The following LRRTM4 variants were observed in gnomAD, a reference collection of about 807,000 sequenced individuals.
LRRTM4 encodes leucine rich repeat transmembrane neuronal 4.
Under a neutral mutation model 47.6 loss-of-function variants are expected in LRRTM4, and 25 were observed. That is an observed-to-expected ratio of 0.53 (90% confidence interval 0.38 to 0.73). The LOEUF is 0.73. LRRTM4 is among the 30% of genes least tolerant of loss of function. The probability of loss-of-function intolerance (pLI) is 0.00; values close to 1 mark genes in which losing one functional copy is unlikely to be tolerated. For missense variants in LRRTM4, 638 were observed against 713.4 expected (o/e 0.89, Z 1.20); for synonymous variants, 311 against 269.5 (o/e 1.15, Z -1.51).
intron 3 of LRRTM4, among the ~76,000 whole-genome samples, chr2:77,119,679 A>G (rs1179499086): frequency 6.6e-6 from 1 of 151,816 alleles, no homozygotes; most frequent in Admixed American, 6.6e-5. Flanking sequence ...GAGAATCGTA[A>G]AAAAGAGCTA....
intron 3 of LRRTM4, among the ~76,000 whole-genome samples, chr2:77,480,827 GAGAGA>G (rs1677664715): frequency 1.9e-5 from 1 of 51,424 alleles, no homozygotes; most frequent in South Asian, 5.0e-4. Flanking sequence ...TGTGTGGAGA[GAGAGA>G]GAGAGAGAGA....
intron 3 of LRRTM4, among the ~76,000 whole-genome samples, chr2:77,156,338 G>T (rs1345181941): frequency 7.5e-6 from 1 of 133,046 alleles, no homozygotes; most frequent in Non-Finnish European, 1.7e-5. Flanking sequence ...AAAAAAAACA[G>T]AAAAAAGTCA....
Position 77,519,140 on chromosome 2 carries a change from G to T in LRRTM4, c.729C>A (p.Ser243=). The change falls in exon 3 of 4, where the codon TCC becomes TCA. Residue 243 remains serine, a synonymous_variant. Coordinates refer to ENST00000409884, the MANE Select transcript of LRRTM4 (RefSeq NM_001134745.3). This position sits in a 1 kb window ranked among gnomAD's most constrained non-coding sequence, Gnocchi z 4.6. ...SIYLQWNRIR[S]ISQGLTWTWS... is the part of the protein sequence containing the mutation. Reference sequence around the variant, plus strand: ...AAGTCCATGTCAAACCTTGGCTAATGGAGCGAATCCTGTTCCATTGTAAGT... The same window carrying T: ...AAGTCCATGTCAAACCTTGGCTAATTGAGCGAATCCTGTTCCATTGTAAGT... The T allele has an allele frequency of 6.2e-7, 1 of 1,613,136 alleles. No homozygotes were observed. The highest frequency in any genetic ancestry group is 8.5e-7 in the Non-Finnish European group (1 of 1,179,536).
intron 3 of LRRTM4, among the ~76,000 whole-genome samples, chr2:77,496,310 C>A (rs1265278319): frequency 2.0e-5 from 3 of 151,700 alleles, no homozygotes; most frequent in Admixed American, 6.6e-5. Flanking sequence ...AATCTCTATG[C>A]CTTTTATTTC....
intron 3 of LRRTM4, among the ~76,000 whole-genome samples, chr2:76,920,236 TTTC>T (rs1674389795): frequency 6.6e-5 from 10 of 152,094 alleles, no homozygotes; most frequent in Admixed American, 4.6e-4. Flanking sequence ...TTGCTTTTCT[TTTC>T]CTATAGAAAT....
At chr2:76,987,734 CAG>C (rs1219185413) in intron 3 of LRRTM4, among the ~76,000 whole-genome samples, 2 of 151,792 alleles carry the variant, frequency 1.3e-5, no homozygotes, top group Admixed American at 6.6e-5. Context: ...ACCAGTACGA[CAG>C]AGTCTCCATT....
intron 3 of LRRTM4, among the ~76,000 whole-genome samples, chr2:77,488,935 C>T (rs1678030379): frequency 6.6e-6 from 1 of 151,284 alleles, no homozygotes; most frequent in African/African-American, 2.4e-5. Flanking sequence ...ACCAGCATGG[C>T]ACATGTATAC....
At chr2:77,402,621 A>C (rs1340669880) in intron 3 of LRRTM4, among the ~76,000 whole-genome samples, 2 of 151,900 alleles carry the variant, frequency 1.3e-5, no homozygotes, top group African/African-American at 4.8e-5. Context: ...CTGGATCATA[A>C]TCTAGTCTTT....
intron 3 of LRRTM4, among the ~76,000 whole-genome samples, chr2:77,418,838 A>G (rs2103876674): frequency 6.6e-6 from 1 of 152,228 alleles, no homozygotes; most frequent in East Asian, 1.9e-4. Context: ...ACCAAGCCAC[A>G]TCTGTGTACT....
At chr2:76,964,475 G>A (rs1395233921) in intron 3 of LRRTM4, among the ~76,000 whole-genome samples, 1 of 150,822 alleles carries the variant, frequency 6.6e-6, no homozygotes, top group East Asian at 2.0e-4. Flanking sequence ...TCCAACAAAA[G>A]TGTTGAAATT....
intron 3 of LRRTM4, among the ~76,000 whole-genome samples, chr2:77,484,142 A>G (rs1288103150): frequency 1.3e-5 from 2 of 152,228 alleles, no homozygotes; most frequent in African/African-American, 4.8e-5. Flanking sequence ...ATACTGGTCA[A>G]TAAACAAATG....
chr2:77,175,671 A>G (rs1673175950), intron 3 of LRRTM4, among the ~76,000 whole-genome samples: 1 of 152,138 alleles, frequency 6.6e-6, no homozygotes, highest in Non-Finnish European at 1.5e-5. Flanking sequence ...ATGGGCCCCC[A>G]GAGTTCAGGG....
intron 3 of LRRTM4, among the ~76,000 whole-genome samples, chr2:77,113,852 A>G (rs959256262): frequency 2.6e-5 from 4 of 152,124 alleles, no homozygotes; most frequent in Non-Finnish European, 5.9e-5. Flanking sequence ...CTGACTCCAG[A>G]GGCAAATGCT....
At chr2:77,517,346 C>T in intron 3 of LRRTM4, 1 of 983,162 alleles carries the variant, frequency 1.0e-6, no homozygotes, top group Non-Finnish European at 1.2e-6. Flanking sequence ...ACTCAAACCT[C>T]TCTCCTTTTA....
chr2:77,115,448 A>T lies in LRRTM4; in HGVS notation c.1552-366532T>A, dbSNP rs371483977. On this transcript the variant is annotated intron_variant, in intron 3 of 3. Coordinates refer to ENST00000409884, the MANE Select transcript of LRRTM4 (RefSeq NM_001134745.3). ...CACACATTCTCAGCTTACGAAGATA[A>T]CAGGATTAAGAGATTAAAGTAAAGA... Among the ~76,000 whole-genome samples, 5 of 152,224 alleles carry T rather than the reference A, an allele frequency of 3.3e-5. No individual in the cohort carries two copies. In the East Asian group the frequency reaches 5.8e-4, roughly 18 times the overall value.
intron 3 of LRRTM4, among the ~76,000 whole-genome samples, chr2:77,242,233 G>A (rs1675287722): frequency 6.6e-6 from 1 of 152,068 alleles, no homozygotes; most frequent in Non-Finnish European, 1.5e-5. Flanking sequence ...TTTGGTTAAT[G>A]TTGACATCTT....
intron 3 of LRRTM4, among the ~76,000 whole-genome samples, chr2:76,923,548 A>C (rs1225991371): frequency 6.6e-6 from 1 of 152,036 alleles, no homozygotes; most frequent in East Asian, 1.9e-4. Context: ...ATAATTATTG[A>C]ATCATTCAAA....
chr2:77,108,622 C>G (rs1212228601), intron 3 of LRRTM4, among the ~76,000 whole-genome samples: 2 of 142,026 alleles, frequency 1.4e-5, no homozygotes, highest in Non-Finnish European at 1.5e-5. Flanking sequence ...CTCGCTCTGT[C>G]GCCCAGGCTG....
In LRRTM4 at chr2:77,519,270, G is replaced by A. The variant is rs1407244811; in HGVS notation, c.599C>T (p.Ala200Val). The A allele has an allele frequency of 6.2e-7, 1 of 1,613,406 alleles. No homozygotes were observed. The highest frequency in any genetic ancestry group is 1.1e-5 in the South Asian group (1 of 91,068). ...YNRLRSLSRN[A>V]FAGLLKLKEL... is the part of the protein sequence containing the mutation. The stretch of plus-strand genomic sequence containing the variant: ...CTTTAACTTCAAGAGGCCAGCAAAT[G>A]CATTTCGGGACAAGCTTCGAAGACG... The change falls in exon 3 of 4, where the codon GCA becomes GTA. Residue 200 changes from alanine to valine, a missense_variant. By Grantham distance (64) the Ala-to-Val change is moderately conservative (BLOSUM62 0). Transcript: ENST00000409884. The surrounding 1 kb of genome is among the most constrained non-coding windows in gnomAD (Gnocchi z 4.6).
Sources: allele counts gnomAD v4.1 joint callset (sites outside exome capture counted in the v4.1 genomes callset), GRCh38; gene constraint gnomAD v4.1.1; non-coding constraint Gnocchi (gnomAD v3.1); transcripts MANE v1.5; gene names NCBI Gene and HGNC (gene_info 2026-07-23, HGNC 2026-07-21).